DNAI2: variants seen among roughly 807,000 people sequenced by gnomAD.
DNAI2 encodes the protein dynein axonemal intermediate chain 2.
A neutral mutation model predicts 74.7 loss-of-function variants in DNAI2; 63 were observed. The ratio of observed to expected loss-of-function variants is 0.84; its 90% CI spans 0.69 to 1.04. The LOEUF is 1.04. DNAI2 is among the 50% of genes least tolerant of loss of function. The pLI, the probability that DNAI2 is intolerant of heterozygous loss-of-function variation, is 0.00. For missense variants in DNAI2, 688 were observed against 803.2 expected (o/e 0.86, Z 1.73); for synonymous variants, 289 against 314.9 (o/e 0.92, Z 0.87).
intron 6 of DNAI2, among the ~76,000 whole-genome samples, chr17:74,293,075 C>G (rs1392247091): frequency 6.6e-6 from 1 of 151,544 alleles, no homozygotes; most frequent in Admixed American, 6.6e-5. Flanking sequence ...CCTCGTGATC[C>G]GCCCGCCTCG....
At position 74,300,879 on chromosome 17, in the gene DNAI2, GGACAGAAC is replaced by G. The variant is rs528159839; in HGVS notation, c.865-166_865-159del. Among the ~76,000 whole-genome samples, 128 of 152,280 alleles carry G rather than the reference GGACAGAAC, an allele frequency of 8.4e-4. No individual in the cohort carries two copies. The highest frequency in any genetic ancestry group is 2.8e-3 in the African/African-American group (116 of 41,558). ...ATGATCAGCCAGGTGTGGGAACTGTGGACAGAACAGCAATCCTCAAAGTGTATTTGCTC... is the reference window on the plus strand; with the variant it reads ...ATGATCAGCCAGGTGTGGGAACTGTGAGCAATCCTCAAAGTGTATTTGCTC... On this transcript the variant is annotated intron_variant, in intron 7 of 13. Transcript: ENST00000311014. The surrounding 1 kb of genome is among the most constrained non-coding windows in gnomAD (Gnocchi z 4.5).
At position 74,277,848 on chromosome 17, in the gene DNAI2, C is replaced by T. The variant is rs76578892; in HGVS notation, c.-12+3503C>T. ...TAAGGAAGATCCCAGGTTTCAGAAA[C>T]GCTGGTTGAGAGATTAAGTTCCCTC... On this transcript the variant is annotated intron_variant, in intron 1 of 13. Transcript: ENST00000311014. 6.2e-4 allele frequency among the ~76,000 whole-genome samples: 94 copies of T among 152,332 alleles called. No individual in the cohort carries two copies. The East Asian group carries it at 0.011, about 18-fold the overall frequency.
chr17:74,281,086 C>CAA (rs60399157), intron 1 of DNAI2, among the ~76,000 whole-genome samples: 9,489 of 58,738 alleles, frequency 0.16, 787 homozygotes, highest in Non-Finnish European at 0.18. Context: ...GCCTTTGTCT[C>CAA]AAAAAAAAAA....
intron 6 of DNAI2, among the ~76,000 whole-genome samples, chr17:74,294,650 T>C (rs538989656): frequency 6.6e-6 from 1 of 152,300 alleles, no homozygotes; most frequent in East Asian, 1.9e-4. Context: ...CCTGTGTATG[T>C]GATGAGTCAT....
chr17:74,288,590 G>A (rs1044512239), intron 4 of DNAI2, among the ~76,000 whole-genome samples: 3 of 152,192 alleles, frequency 2.0e-5, no homozygotes, highest in Non-Finnish European at 2.9e-5. Context: ...GTGGGACCTC[G>A]TTGCAGCAGC....
In DNAI2 at chr17:74,300,925, G is replaced by A. The variant is rs193062360; in HGVS notation, c.865-121G>A. 12 of 1,388,336 alleles carry A rather than the reference G, an allele frequency of 8.6e-6. 1 individual carries two copies. The highest frequency in any genetic ancestry group is 2.4e-5 in the East Asian group (1 of 42,422). 86.0% of individuals were successfully genotyped at this position (1,388,336 alleles called of 1,614,324 possible). A position where few individuals can be genotyped will look rare whatever the true frequency, so the allele number is the denominator to read the frequency against. On this transcript the variant is annotated intron_variant, in intron 7 of 13. Transcript: ENST00000311014. This position sits in a 1 kb window ranked among gnomAD's most constrained non-coding sequence, Gnocchi z 4.5. Reference sequence around the variant, plus strand: ...AGTGTATTTGCTCCCACGAATTGCCGGGAGCTCCATCCTTTGTGGCCCAGT... The same window carrying A: ...AGTGTATTTGCTCCCACGAATTGCCAGGAGCTCCATCCTTTGTGGCCCAGT...
At chr17:74,305,535 A>C in intron 9 of DNAI2, 93 bp downstream of exon 9, 1 of 1,183,296 alleles carries the variant, frequency 8.5e-7, no homozygotes, top group Non-Finnish European at 1.2e-6. Context: ...GAGCCTCCAT[A>C]TGTAAAATGG....
Position 74,280,281 on chromosome 17 carries a change from G to A in DNAI2, c.-11-1526G>A, listed in dbSNP as rs535218983. Among the ~76,000 whole-genome samples, 81 of 152,256 alleles carry A rather than the reference G, an allele frequency of 5.3e-4. 1 individual carries two copies. Among genetic ancestry groups the A allele is most frequent in the African/African-American group, 1.9e-3 (79 of 41,546 alleles). On this transcript the variant is annotated intron_variant, in intron 1 of 13. Transcript: ENST00000311014. ...TGTGAACCCCGCCTCTGATGCTGCTGGAGCACTTTCATTTCACTTCTCAGC... is the reference window on the plus strand; with the variant it reads ...TGTGAACCCCGCCTCTGATGCTGCTAGAGCACTTTCATTTCACTTCTCAGC...
At chr17:74,287,489 A>T (rs1425307679) in intron 4 of DNAI2, among the ~76,000 whole-genome samples, 1 of 151,972 alleles carries the variant, frequency 6.6e-6, no homozygotes, top group African/African-American at 2.4e-5. Context: ...GACACCAGGG[A>T]TTCATCCCAC....
Position 74,314,285 on chromosome 17 carries a change from C to G in DNAI2, c.*55+14C>G. Reference sequence around the variant, plus strand: ...TCCCACCTCTTGGTATTGCCCCGCTCTCACAAGTGGGAGGCTGAGCTCCGC... The same window carrying G: ...TCCCACCTCTTGGTATTGCCCCGCTGTCACAAGTGGGAGGCTGAGCTCCGC... On this transcript the variant is annotated intron_variant, in intron 13 of 13. Coordinates refer to ENST00000311014, the MANE Select transcript of DNAI2 (RefSeq NM_023036.6). The G allele has an allele frequency of 6.2e-7, 1 of 1,608,604 alleles. No individual in the cohort carries two copies. The highest frequency in any genetic ancestry group is 8.5e-7 in the Non-Finnish European group (1 of 1,176,690).
intron 9 of DNAI2, among the ~76,000 whole-genome samples, chr17:74,308,339 A>G (rs2053307754): frequency 6.6e-6 from 1 of 152,030 alleles, no homozygotes; most frequent in Non-Finnish European, 1.5e-5. Flanking sequence ...CCCAGATGAA[A>G]CCAAGTAGGA....
At chr17:74,293,494 A>G (rs538147313) in intron 6 of DNAI2, among the ~76,000 whole-genome samples, 1 of 152,084 alleles carries the variant, frequency 6.6e-6, no homozygotes, top group Admixed American at 6.5e-5. Flanking sequence ...TTTGCATGGT[A>G]TATCTTTCCC....
At chr17:74,278,385 A>G (rs890099618) in intron 1 of DNAI2, among the ~76,000 whole-genome samples, 4 of 152,274 alleles carry the variant, frequency 2.6e-5, no homozygotes, top group East Asian at 3.9e-4. Context: ...AGCTGTGTTC[A>G]TGCCACTGCA....
Position 74,300,580 on chromosome 17 carries a change from T to C in DNAI2, c.865-466T>C, listed in dbSNP as rs531221521. Among the ~76,000 whole-genome samples, 45 of 152,366 alleles carry C rather than the reference T, an allele frequency of 3.0e-4. 1 individual carries two copies. The highest frequency in any genetic ancestry group is 5.6e-4 in the Non-Finnish European group (38 of 68,036). ...TGTACCATAATTTATATATGGATTC[T>C]AATATTTTGTTGCTACCCCCCAAAA... On this transcript the variant is annotated intron_variant, in intron 7 of 13. Coordinates refer to ENST00000311014, the MANE Select transcript of DNAI2 (RefSeq NM_023036.6). This position sits in a 1 kb window ranked among gnomAD's most constrained non-coding sequence, Gnocchi z 4.5.
At chr17:74,299,133 A>T (rs137867075) in intron 6 of DNAI2, among the ~76,000 whole-genome samples, 4 of 152,318 alleles carry the variant, frequency 2.6e-5, no homozygotes, top group African/African-American at 9.6e-5. Context: ...AGGACAAAGG[A>T]CAGATAACCT....
intron 9 of DNAI2, chr17:74,307,145 G>A (rs1352628661): frequency 9.2e-6 from 4 of 435,290 alleles, no homozygotes; most frequent in South Asian, 1.6e-5. Context: ...TAGCAAGTAG[G>A]GGGTTCCCAG....
chr17:74,314,084 A>G (rs764463332), intron 12 of DNAI2, 37 bp from the exon 13 acceptor site: 10 of 1,612,102 alleles, frequency 6.2e-6, no homozygotes, highest in South Asian at 1.1e-5. Context: ...CCTGTCCCCT[A>G]CCAACACCAA....
chr17:74,284,453 C>T (rs1199237639), intron 2 of DNAI2, among the ~76,000 whole-genome samples: 1 of 152,106 alleles, frequency 6.6e-6, no homozygotes, highest in Non-Finnish European at 1.5e-5. Context: ...CGCTCTGTCG[C>T]CCAGGCTGGA....
Position 74,313,960 on chromosome 17 carries a change from C to T in DNAI2, c.1723-161C>T. The T allele has an allele frequency of 5.4e-6, 6 of 1,107,160 alleles. No individual in the cohort carries two copies. In the South Asian group the frequency reaches 8.2e-5, roughly 15 times the overall value. The allele number at this position is 1,107,160 out of a possible 1,614,324, so 68.6% of individuals were successfully genotyped here. A position where few individuals can be genotyped will look rare whatever the true frequency, so the allele number is the denominator to read the frequency against. ...CTGCCCACTTTCCGCACTGTCTGGG[C>T]CCTCACCAGCCGCAGAGCTGGCACC... On this transcript the variant is annotated intron_variant, in intron 12 of 13. Coordinates refer to ENST00000311014, the MANE Select transcript of DNAI2 (RefSeq NM_023036.6).
Sources: gnomAD v4.1 joint callset for allele counts (sites outside exome capture counted in the v4.1 genomes callset) on GRCh38, gnomAD v4.1.1 for gene constraint, Gnocchi (gnomAD v3.1) non-coding constraint, MANE v1.5 for transcripts, NCBI Gene and HGNC (gene_info 2026-07-23, HGNC 2026-07-21) for gene names.